The following EEF1G variants were observed in gnomAD, a reference collection of about 807,000 sequenced individuals.
EEF1G encodes the protein eukaryotic translation elongation factor 1 gamma, also known as elongation factor 1-gamma.
Under a neutral mutation model 58.3 loss-of-function variants are expected in EEF1G, and 14 were observed. The observed-to-expected ratio is 0.24, with a 90% confidence interval of 0.16 to 0.38. EEF1G has a LOEUF of 0.38. EEF1G is among the 10% of genes least tolerant of loss of function. EEF1G has a pLI of 1.00. For missense variants in EEF1G, 322 were observed against 550.1 expected (o/e 0.59, Z 4.15); for synonymous variants, 180 against 206.8 (o/e 0.87, Z 1.11).
intron 3 of EEF1G, 21 bp downstream of exon 3, chr11:62,571,817 C>T (rs775980983): frequency 1.9e-6 from 3 of 1,581,234 alleles, no homozygotes; most frequent in South Asian, 1.2e-5. Flanking sequence ...TCTCCCATTC[C>T]CATATACCCC....
chr11:62,572,468 T>A, intron 2 of EEF1G, 116 bp downstream of exon 2: 1 of 1,361,992 alleles, frequency 7.3e-7, no homozygotes, highest in African/African-American at 1.5e-5. Flanking sequence ...ATCACCGAAA[T>A]TGAATAAAAC....
Position 62,566,823 on chromosome 11 carries a change from G to T in EEF1G, c.840C>A (p.Phe280Leu). The change falls in exon 7 of 10, where the codon TTC becomes TTA. Residue 280 changes from phenylalanine (F) to leucine (L), a missense_variant. Phe to Leu is a conservative substitution (Grantham distance 22, BLOSUM62 0). Coordinates refer to ENST00000329251, the MANE Select transcript of EEF1G (RefSeq NM_001404.5). The stretch of plus-strand genomic sequence containing the variant: ...ATCCTTACCTCTTGGGCAGGTGAGC[G>T]AAGGGGTCCTTGGCCTTGGGCTCAG... ...LAAEPKAKDP[F>L]AHLPKSTFVL... The T allele has an allele frequency of 6.2e-7, 1 of 1,613,494 alleles. No homozygotes were observed. Among genetic ancestry groups the T allele is most frequent in the Non-Finnish European group, 8.5e-7 (1 of 1,179,696 alleles).
intron 7 of EEF1G, among the ~76,000 whole-genome samples, chr11:62,561,682 CAAA>C (rs58957254): frequency 1.6e-5 from 2 of 124,608 alleles, no homozygotes; most frequent in Non-Finnish European, 3.3e-5. Context: ...AAAAAAAAAA[CAAA>C]AAAAAAAAAA....
Position 62,559,784 on chromosome 11 carries a change from A to T in EEF1G, c.1209T>A (p.Asp403Glu), listed in dbSNP as rs373136245. The T allele has an allele frequency of 1.4e-4, 225 of 1,613,872 alleles. No homozygotes were observed. The highest frequency in any genetic ancestry group is 1.8e-4 in the Non-Finnish European group (209 of 1,179,896). Reference sequence around the variant, plus strand: ...GCGTCTGGGTCTCCTCGCTGCCAGGATCCAGTTTCCGCCATGTGTATGACT... The same window carrying T: ...GCGTCTGGGTCTCCTCGCTGCCAGGTTCCAGTTTCCGCCATGTGTATGACT... The part of the protein sequence containing the change: ...DYESYTWRKL[D>E]PGSEETQTLV... The change falls in exon 10 of 10, where the codon GAT (aspartate) becomes GAA (glutamate). Residue 403 changes from aspartate (D) to glutamate (E), a missense_variant. Asp to Glu is a conservative substitution (Grantham distance 45). Coordinates refer to ENST00000329251, the MANE Select transcript of EEF1G (RefSeq NM_001404.5).
At chr11:62,563,100 C>T (rs576874755) in intron 7 of EEF1G, among the ~76,000 whole-genome samples, 4 of 151,420 alleles carry the variant, frequency 2.6e-5, no homozygotes, top group Non-Finnish European at 4.4e-5. Context: ...AAGAGCAAGA[C>T]CCTGTCAAAA....
In EEF1G at chr11:62,567,221, T is replaced by C. The variant is rs574015823; in HGVS notation, c.652+178A>G. On this transcript the variant is annotated intron_variant, in intron 6 of 9. Coordinates refer to ENST00000329251, the MANE Select transcript of EEF1G (RefSeq NM_001404.5). The stretch of plus-strand genomic sequence containing the variant: ...TTTATATCGCAAATCTATATAGTAA[T>C]ACAAATTAGTCAGGGTATGAGTGTA... The C allele has an allele frequency of 1.7e-4, 158 of 956,446 alleles. 2 individuals carry two copies. In the South Asian group the frequency reaches 2.5e-3, roughly 15 times the overall value. 59.2% of individuals were successfully genotyped at this position (956,446 alleles called of 1,614,324 possible). A position where few individuals can be genotyped will look rare whatever the true frequency, so the allele number is the denominator to read the frequency against.
At chr11:62,566,753 G>A (rs1402410144) in intron 7 of EEF1G, 53 bp downstream of exon 7, 3 of 1,548,004 alleles carry the variant, frequency 1.9e-6, no homozygotes, top group Admixed American at 3.5e-5. Context: ...GACATACAGA[G>A]GTGAGAACAG....
intron 7 of EEF1G, among the ~76,000 whole-genome samples, chr11:62,564,318 C>G (rs1941530538): frequency 6.7e-6 from 1 of 148,712 alleles, no homozygotes; most frequent in East Asian, 1.9e-4. Context: ...CAAAAATTAG[C>G]CAGGCATGGT....
intron 5 of EEF1G, among the ~76,000 whole-genome samples, 200 bp downstream of exon 5, chr11:62,570,765 A>T (rs1941617664): frequency 6.6e-6 from 1 of 152,160 alleles, no homozygotes; most frequent in Admixed American, 6.5e-5. Flanking sequence ...CATGTTGGCC[A>T]GGCTGGTCTC....
intron 7 of EEF1G, among the ~76,000 whole-genome samples, chr11:62,562,517 T>C (rs1941508908): frequency 6.6e-6 from 1 of 152,156 alleles, no homozygotes. Flanking sequence ...AGTCTCGCCC[T>C]GTCACCCAGG....
At chr11:62,564,558 C>A (rs1184460818) in intron 7 of EEF1G, among the ~76,000 whole-genome samples, 4 of 145,966 alleles carry the variant, frequency 2.7e-5, no homozygotes, top group African/African-American at 1.0e-4. Context: ...GTCAGGAGTT[C>A]GAGACCAGCC....
intron 7 of EEF1G, among the ~76,000 whole-genome samples, chr11:62,565,490 A>G (rs1253987617): frequency 6.6e-6 from 1 of 152,198 alleles, no homozygotes; most frequent in African/African-American, 2.4e-5. Flanking sequence ...TGTTAAGAAA[A>G]TGTAAAGTTT....
chr11:62,567,699 T>C (rs1403723812), intron 5 of EEF1G, among the ~76,000 whole-genome samples, 171 bp from the exon 6 acceptor site: 2 of 147,582 alleles, frequency 1.4e-5, no homozygotes, highest in Non-Finnish European at 3.0e-5. Flanking sequence ...CATTTCTTCA[T>C]TTTTTTCAAT....
chr11:62,564,415 G>C (rs560566378), intron 7 of EEF1G, among the ~76,000 whole-genome samples: 1 of 141,090 alleles, frequency 7.1e-6, no homozygotes, highest in Non-Finnish European at 1.5e-5. Flanking sequence ...AGTAAGCCGA[G>C]ATCACACCAC....
chr11:62,567,171 C>T (rs976268206), intron 6 of EEF1G, 161 bp from the exon 7 acceptor site: 7 of 914,092 alleles, frequency 7.7e-6, no homozygotes, highest in Non-Finnish European at 1.2e-5. Flanking sequence ...TGTCCTCCAG[C>T]AACAACACAC....
At chr11:62,562,535 G>A (rs898900910) in intron 7 of EEF1G, among the ~76,000 whole-genome samples, 1 of 152,114 alleles carries the variant, frequency 6.6e-6, no homozygotes, top group Non-Finnish European at 1.5e-5. Flanking sequence ...AGGCTGGAAT[G>A]CAGTGGTGCG....
Position 62,571,124 on chromosome 11 carries a change from G to A in EEF1G, c.379-16C>T, listed in dbSNP as rs918842112. 6.2e-7 allele frequency: 1 copy of A among 1,613,770 alleles called. No individual in the cohort carries two copies. Among genetic ancestry groups the A allele is most frequent in the Non-Finnish European group, 8.5e-7 (1 of 1,179,866 alleles). On this transcript the variant is annotated splice_polypyrimidine_tract_variant and intron_variant, in intron 4 of 9. Coordinates refer to ENST00000329251, the MANE Select transcript of EEF1G (RefSeq NM_001404.5). The stretch of plus-strand genomic sequence containing the variant: ...TCTCAGTGGCCTAGTGATTCAACAT[G>A]ATAAAACTCATCAGTGGGTACCAAT...
In EEF1G at chr11:62,567,494, T is replaced by C; in HGVS notation, c.557A>G (p.Asn186Ser). ...LEPSFRQAFP[N>S]TNRWFLTCIN... is the part of the protein sequence containing the mutation. ...GCAGGTGAGGAACCAGCGGTTGGTA[T>C]TGGGAAAGGCCTGGCGGAAAGAAGG... Residue 186 changes from asparagine (N) to serine (S), a missense_variant, in exon 6 of 10, where the codon AAT (asparagine) becomes AGT (serine). Physicochemically the swap from Asn to Ser is conservative, Grantham distance 46. Transcript: ENST00000329251. The C allele has an allele frequency of 3.7e-6, 6 of 1,611,280 alleles. No individual in the cohort carries two copies. Among genetic ancestry groups the C allele is most frequent in the Non-Finnish European group, 5.1e-6 (6 of 1,178,646 alleles).
chr11:62,561,688 A>AAAAAAAAC (rs1555042619), intron 7 of EEF1G, among the ~76,000 whole-genome samples: 13 of 140,510 alleles, frequency 9.3e-5, no homozygotes, highest in Admixed American at 3.6e-4. Flanking sequence ...AAAACAAAAA[A>AAAAAAAAC]AAAAAAAACA....
Sources: allele counts gnomAD v4.1 joint callset (sites outside exome capture counted in the v4.1 genomes callset), GRCh38; gene constraint gnomAD v4.1.1; transcripts MANE v1.5; gene names NCBI Gene and HGNC (gene_info 2026-07-23, HGNC 2026-07-21).